The following STAM variants were observed in gnomAD, a reference collection of about 807,000 sequenced individuals.
STAM encodes signal transducing adapter molecule 1.
Under a neutral mutation model 63.4 loss-of-function variants are expected in STAM, and 16 were observed. The ratio of observed to expected loss-of-function variants is 0.25; its 90% CI spans 0.17 to 0.38. The LOEUF is 0.38. Ranked by LOEUF, STAM falls within the 10% of genes least tolerant of loss-of-function variation. STAM has a pLI of 1.00. For synonymous variants in STAM, 238 were observed against 223.9 expected (o/e 1.06, Z -0.56); for missense variants, 636 against 657.1 (o/e 0.97, Z 0.35).
At chr10:17,650,614 C>G (rs1051115954) in intron 1 of STAM, among the ~76,000 whole-genome samples, 9 of 152,154 alleles carry the variant, frequency 5.9e-5, no homozygotes, top group Non-Finnish European at 1.0e-4. Context: ...ACCGAATATG[C>G]CCTCAAGGAT....
At chr10:17,690,417 A>G (rs1835481244) in intron 5 of STAM, among the ~76,000 whole-genome samples, 1 of 152,242 alleles carries the variant, frequency 6.6e-6, no homozygotes, top group African/African-American at 2.4e-5. Context: ...TAAAGTATGT[A>G]ACAGCTAATC....
At chr10:17,648,617 C>G (rs1833614552) in intron 1 of STAM, among the ~76,000 whole-genome samples, 2 of 152,188 alleles carry the variant, frequency 1.3e-5, no homozygotes, top group African/African-American at 2.4e-5. Context: ...AGGGAACAAA[C>G]TCCGGACACA....
chr10:17,686,682 C>A (rs1203917047), intron 4 of STAM, among the ~76,000 whole-genome samples: 2 of 152,104 alleles, frequency 1.3e-5, no homozygotes, highest in African/African-American at 4.8e-5. Context: ...CAGCCAACAT[C>A]CTGCCCTTTT....
In STAM at chr10:17,700,276, T is replaced by C; in HGVS notation, c.909T>C (p.Asp303=). 1.2e-6 allele frequency: 2 copies of C among 1,606,132 alleles called. No homozygotes were observed. The highest frequency in any genetic ancestry group is 2.2e-5 in the East Asian group (1 of 44,566). The stretch of plus-strand genomic sequence containing the variant: ...CAGAGCCGGAACCAGCCTTTATTGA[T>C]GAAGTAAGTGGTTTCCATGGTGATA... ...IEPEPEPAFI[D]EDKMDQLLQM... is the part of the protein sequence containing the mutation. Residue 303 remains aspartate (D), a synonymous_variant, in exon 9 of 14, where the codon GAT becomes GAC. Coordinates refer to ENST00000377524, the MANE Select transcript of STAM (RefSeq NM_003473.4).
chr10:17,673,247 G>A (rs547592045), intron 2 of STAM, among the ~76,000 whole-genome samples: 1 of 152,158 alleles, frequency 6.6e-6, no homozygotes, highest in East Asian at 1.9e-4. Flanking sequence ...CTTTATTATA[G>A]TTCTATTAAC....
At chr10:17,669,582 C>T (rs1340804275) in intron 2 of STAM, among the ~76,000 whole-genome samples, 2 of 151,934 alleles carry the variant, frequency 1.3e-5, no homozygotes, top group Non-Finnish European at 1.5e-5. Context: ...AAGTTTTCCT[C>T]TTAAAAGTCT....
rs970999335 is a variant in STAM, at chr10:17,644,324, T to G, written c.-16T>G. 3.7e-6 allele frequency: 6 copies of G among 1,613,828 alleles called. No homozygotes were observed. Among genetic ancestry groups the G allele is most frequent in the Non-Finnish European group, 5.1e-6 (6 of 1,179,944 alleles). On this transcript the variant is annotated 5_prime_UTR_variant, in exon 1 of 14. Coordinates refer to ENST00000377524, the MANE Select transcript of STAM (RefSeq NM_003473.4). ...TCGAGAGGGAGTCCCCGGGGACACC[T>G]CGGCACGCAGCGGAGATGCCTCTTT...
intron 5 of STAM, among the ~76,000 whole-genome samples, chr10:17,692,166 A>C (rs1835567493): frequency 6.6e-6 from 1 of 152,226 alleles, no homozygotes; most frequent in African/African-American, 2.4e-5. Context: ...GCCCAGTGTC[A>C]TCCAGCTAGA....
intron 1 of STAM, among the ~76,000 whole-genome samples, chr10:17,660,258 A>G (rs1437810846): frequency 6.6e-6 from 1 of 152,216 alleles, no homozygotes; most frequent in African/African-American, 2.4e-5. Context: ...TAAAGAGGCA[A>G]CTGCATTGTG....
At chr10:17,644,565 G>A (rs1330904801) in intron 1 of STAM, among the ~76,000 whole-genome samples, 186 bp downstream of exon 1, 1 of 152,136 alleles carries the variant, frequency 6.6e-6, no homozygotes, top group African/African-American at 2.4e-5. Context: ...TGAAAGAAAT[G>A]GGACTCATCC....
intron 2 of STAM, chr10:17,673,077 AG>A: frequency 1.0e-6 from 1 of 982,062 alleles, no homozygotes; most frequent in Non-Finnish European, 1.2e-6. Context: ...CCCTTTAAAC[AG>A]GTAGGTGATG....
At chr10:17,680,416 CTTT>C (rs369061075) in intron 2 of STAM, among the ~76,000 whole-genome samples, 6,786 of 142,270 alleles carry the variant, frequency 0.048, 191 homozygotes, top group Middle Eastern at 0.14. Flanking sequence ...TTTGACTACT[CTTT>C]TTTTTTTTTT....
chr10:17,691,257 G>A (rs1002634551), intron 5 of STAM, among the ~76,000 whole-genome samples: 7 of 152,136 alleles, frequency 4.6e-5, no homozygotes, highest in Non-Finnish European at 1.0e-4. Context: ...GGTGGCTCAC[G>A]CCTGTAATCC....
chr10:17,644,222 C>A lies in STAM; in HGVS notation c.-118C>A. ...GGGTGAGAGGAGGAGCTGTCGCGGA[C>A]CCTGTAGAGTCGGTCTCTGTTGCTC... is the stretch of plus-strand genomic sequence containing the variant. On this transcript the variant is annotated 5_prime_UTR_variant, in exon 1 of 14. Transcript: ENST00000377524. The A allele has an allele frequency of 2.7e-6, 3 of 1,108,980 alleles. No homozygotes were observed. Among genetic ancestry groups the A allele is most frequent in the East Asian group, 5.0e-5 (2 of 39,832 alleles). The allele number at this position is 1,108,980 out of a possible 1,614,324, so 68.7% of individuals were successfully genotyped here. A position where few individuals can be genotyped will look rare whatever the true frequency, so the allele number is the denominator to read the frequency against.
intron 13 of STAM, among the ~76,000 whole-genome samples, chr10:17,710,192 T>C (rs1836495377): frequency 6.6e-6 from 1 of 152,120 alleles, no homozygotes; most frequent in Non-Finnish European, 1.5e-5. Context: ...CTATGTCACA[T>C]GCTGCTCTAC....
chr10:17,715,035 A>C lies in STAM; in HGVS notation c.*255A>C. 1 of 472,736 alleles carries C rather than the reference A, an allele frequency of 2.1e-6. No individual in the cohort carries two copies. Among genetic ancestry groups the C allele is most frequent in the Non-Finnish European group, 3.9e-6 (1 of 257,334 alleles). The allele number at this position is 472,736 out of a possible 1,614,324, so 29.3% of individuals were successfully genotyped here. On this transcript the variant is annotated 3_prime_UTR_variant, in exon 14 of 14. Transcript: ENST00000377524. Reference sequence around the variant, plus strand: ...TTCATAATATGAAAGAATTGATACAAGGCTATTTGTCTCGTAAACCTGGTC... The same window carrying C: ...TTCATAATATGAAAGAATTGATACACGGCTATTTGTCTCGTAAACCTGGTC...
At chr10:17,659,017 A>G (rs1337434824) in intron 1 of STAM, among the ~76,000 whole-genome samples, 3 of 150,718 alleles carry the variant, frequency 2.0e-5, no homozygotes, top group South Asian at 2.1e-4. Flanking sequence ...CCCATTTTCT[A>G]TTTCACTCTT....
At chr10:17,680,384 C>T (rs1213820847) in intron 2 of STAM, among the ~76,000 whole-genome samples, 1 of 151,832 alleles carries the variant, frequency 6.6e-6, no homozygotes, top group Non-Finnish European at 1.5e-5. Flanking sequence ...TGGCAACCAC[C>T]ATTCTACTTT....
intron 4 of STAM, among the ~76,000 whole-genome samples, chr10:17,686,015 G>T (rs553386134): frequency 2.0e-5 from 3 of 152,150 alleles, no homozygotes; most frequent in South Asian, 4.2e-4. Flanking sequence ...ATAGTTCCAG[G>T]TTACAGTAGA....
Sources: allele counts gnomAD v4.1 joint callset (sites outside exome capture counted in the v4.1 genomes callset), GRCh38; gene constraint gnomAD v4.1.1; transcripts MANE v1.5; gene names NCBI Gene and HGNC (gene_info 2026-07-23, HGNC 2026-07-21).